Variants in FLT1 observed in about 807,000 individuals in gnomAD.
FLT1 encodes the protein vascular endothelial growth factor receptor 1.
A neutral mutation model predicts 156.3 loss-of-function variants in FLT1; 49 were observed. The observed-to-expected ratio is 0.31, with a 90% CI of 0.25 to 0.40. The LOEUF (loss-of-function observed/expected upper bound fraction) is 0.40, where lower values mean the gene tolerates loss of function less well. FLT1 is among the 10% of genes least tolerant of loss of function. FLT1 has a pLI of 1.00. For missense variants in FLT1, 1,322 were observed against 1,637.2 expected (o/e 0.81, Z 3.32); for synonymous variants, 594 against 583.8 (o/e 1.02, Z -0.25).
At chr13:28,314,525 T>G (rs1429264609) in intron 25 of FLT1, among the ~76,000 whole-genome samples, 5 of 152,196 alleles carry the variant, frequency 3.3e-5, no homozygotes, top group Non-Finnish European at 4.4e-5. Context: ...ATGGGTTTAG[T>G]AAAGTTATGA....
chr13:28,479,441 T>G (rs1342943985), intron 1 of FLT1, among the ~76,000 whole-genome samples: 2 of 152,214 alleles, frequency 1.3e-5, no homozygotes, highest in Admixed American at 1.3e-4. Flanking sequence ...TTTTCTAATT[T>G]CACATTTTCT....
At chr13:28,397,867 A>G (rs1182893046) in intron 11 of FLT1, among the ~76,000 whole-genome samples, 1 of 151,918 alleles carries the variant, frequency 6.6e-6, no homozygotes, top group Non-Finnish European at 1.5e-5. Context: ...ATTATGAATT[A>G]ATGCAATTAT....
At chr13:28,363,209 T>C (rs539454557) in intron 14 of FLT1, among the ~76,000 whole-genome samples, 1 of 152,304 alleles carries the variant, frequency 6.6e-6, no homozygotes, top group African/African-American at 2.4e-5. Flanking sequence ...AGTGGTTCTA[T>C]TTTTAGTTTA....
chr13:28,386,946 G>T (rs957567570), intron 13 of FLT1: 2 of 1,044,342 alleles, frequency 1.9e-6, no homozygotes, highest in African/African-American at 3.3e-5. Context: ...CTGCCCATCG[G>T]TCTTGTAAAA....
chr13:28,475,181 T>G (rs746300334), intron 1 of FLT1, among the ~76,000 whole-genome samples: 4 of 152,262 alleles, frequency 2.6e-5, no homozygotes, highest in African/African-American at 7.2e-5. Flanking sequence ...AAATCACTCC[T>G]AATTGCATAT....
At chr13:28,454,309 A>G (rs1200186729) in intron 3 of FLT1, among the ~76,000 whole-genome samples, 1 of 152,038 alleles carries the variant, frequency 6.6e-6, no homozygotes, top group Non-Finnish European at 1.5e-5. Context: ...CTGAAGTAAT[A>G]CTCTTCTCAT....
At chr13:28,415,615 CAT>C (rs1245500111) in intron 10 of FLT1, among the ~76,000 whole-genome samples, 1 of 152,138 alleles carries the variant, frequency 6.6e-6, no homozygotes, top group African/African-American at 2.4e-5. Flanking sequence ...TATTTAGAAA[CAT>C]ATATGTTTAT....
chr13:28,438,392 T>C (rs1350681069), intron 3 of FLT1, 47 bp from the exon 4 acceptor site: 2 of 1,470,784 alleles, frequency 1.4e-6, no homozygotes, highest in Non-Finnish European at 1.9e-6. Context: ...ATGATTGACA[T>C]GCAAGCATCT....
intron 1 of FLT1, among the ~76,000 whole-genome samples, chr13:28,469,147 C>T (rs192789126): frequency 1.1e-3 from 170 of 152,162 alleles, no homozygotes; most frequent in African/African-American, 4.0e-3. Flanking sequence ...GTTCCTTAGG[C>T]GGGAATAGAA....
intron 16 of FLT1, among the ~76,000 whole-genome samples, chr13:28,342,400 G>A (rs940175470): frequency 6.6e-6 from 1 of 151,944 alleles, no homozygotes; most frequent in African/African-American, 2.4e-5. Context: ...TTGCAGATTT[G>A]GCAAGTTTTG....
intron 1 of FLT1, among the ~76,000 whole-genome samples, chr13:28,491,734 AAGAC>A (rs1396150949): frequency 6.6e-6 from 1 of 152,248 alleles, no homozygotes; most frequent in Non-Finnish European, 1.5e-5. Context: ...AGAAAAGAGA[AAGAC>A]AGACACGGTG....
chr13:28,361,103 A>T (rs1353089118), intron 14 of FLT1, among the ~76,000 whole-genome samples: 1 of 151,620 alleles, frequency 6.6e-6, no homozygotes, highest in Non-Finnish European at 1.5e-5. Context: ...ATATGGTGAC[A>T]CCCCGTCTCT....
intron 7 of FLT1, among the ~76,000 whole-genome samples, 155 bp downstream of exon 7, chr13:28,430,981 C>T (rs1410005496): frequency 1.3e-5 from 2 of 152,136 alleles, no homozygotes; most frequent in African/African-American, 4.8e-5. Context: ...ATGTGGTTTG[C>T]TTTTTGACAG....
intron 3 of FLT1, among the ~76,000 whole-genome samples, chr13:28,457,818 C>A (rs1305169841): frequency 1.3e-5 from 2 of 151,718 alleles, no homozygotes; most frequent in Non-Finnish European, 2.9e-5. Context: ...AAGTTTTGAT[C>A]AATTGTTTTT....
At chr13:28,398,944 G>T (rs1875246082) in intron 11 of FLT1, 2 of 802,932 alleles carry the variant, frequency 2.5e-6, no homozygotes, top group Non-Finnish European at 4.3e-6. Flanking sequence ...GAGCTCAGGT[G>T]TCCCTTTTCT....
intron 28 of FLT1, among the ~76,000 whole-genome samples, chr13:28,307,469 T>C (rs1870795257): frequency 6.6e-6 from 1 of 152,184 alleles, no homozygotes; most frequent in Non-Finnish European, 1.5e-5. Context: ...AGGGTGAAGG[T>C]TGAGAATTCT....
chr13:28,338,101 C>G (rs1872188428), intron 17 of FLT1, among the ~76,000 whole-genome samples: 1 of 152,152 alleles, frequency 6.6e-6, no homozygotes, highest in Non-Finnish European at 1.5e-5. Context: ...CCTCCCCAAG[C>G]CAAATAGAAC....
At chr13:28,446,506 G>A (rs908406884) in intron 3 of FLT1, among the ~76,000 whole-genome samples, 8 of 152,116 alleles carry the variant, frequency 5.3e-5, no homozygotes, top group Non-Finnish European at 1.5e-5. Context: ...ATACATTTGC[G>A]ATGAACAATC....
chr13:28,402,321 A>G (rs745965450), intron 11 of FLT1, among the ~76,000 whole-genome samples: 2 of 152,226 alleles, frequency 1.3e-5, no homozygotes, highest in Non-Finnish European at 2.9e-5. Context: ...TATAGAAAAT[A>G]AAAACAGTTT....
Sources: allele counts gnomAD v4.1 joint callset (sites outside exome capture counted in the v4.1 genomes callset), GRCh38; gene constraint gnomAD v4.1.1; transcripts MANE v1.5; gene names NCBI Gene and HGNC (gene_info 2026-07-23, HGNC 2026-07-21).